Variants in DMD observed in about 807,000 individuals in gnomAD.
DMD encodes mutant dystrophin.
DMD carries 63 observed loss-of-function variants against 330.1 expected under a neutral mutation model. The observed-to-expected ratio is 0.19, with a 90% CI of 0.16 to 0.24. DMD has a LOEUF of 0.24. Among genes scored for constraint, DMD ranks in the 10% least tolerant of loss-of-function variants. The pLI, the probability that DMD is intolerant of heterozygous loss-of-function variation, is 1.00. For synonymous variants in DMD, 1,223 were observed against 959.8 expected, an observed-to-expected ratio of 1.27 and a Z score of -5.07; for missense variants, 3,344 against 2,684.1, an observed-to-expected ratio of 1.25 and a Z score of -5.43.
At chrX:31,598,404 G>A (rs920618109) in intron 55 of DMD, among the ~76,000 whole-genome samples, 14 of 111,570 alleles carry the variant, frequency 1.3e-4, no homozygotes, top group African/African-American at 4.6e-4. Context: ...GATTACAGTC[G>A]TGAGCCACCT....
chrX:32,775,055 C>A (rs73621827), intron 7 of DMD, among the ~76,000 whole-genome samples: 1 of 112,175 alleles, frequency 8.9e-6, no homozygotes, highest in East Asian at 2.8e-4. Context: ...ACAGGTCCCA[C>A]GCAAGTTTGA....
intron 54 of DMD, among the ~76,000 whole-genome samples, chrX:31,629,357 T>C (rs1262582585): frequency 2.7e-5 from 3 of 111,654 alleles, no homozygotes; most frequent in Non-Finnish European, 5.6e-5. Context: ...GTGAGGTTTT[T>C]GCTGAGCACA....
chrX:31,197,748 G>C (rs762777393), intron 67 of DMD, among the ~76,000 whole-genome samples: 16 of 111,409 alleles, frequency 1.4e-4, no homozygotes, highest in Non-Finnish European at 2.6e-4. Context: ...TACTGAAGAA[G>C]ATACTACAAA....
intron 63 of DMD, among the ~76,000 whole-genome samples, chrX:31,233,861 G>A (rs985931005): frequency 1.8e-5 from 2 of 111,793 alleles, no homozygotes; most frequent in Non-Finnish European, 3.8e-5. Flanking sequence ...TCACCAACTG[G>A]TTGAATTTAG....
intron 60 of DMD, among the ~76,000 whole-genome samples, chrX:31,353,844 G>A (rs1415459139): frequency 9.0e-6 from 1 of 111,702 alleles, no homozygotes; most frequent in Non-Finnish European, 1.9e-5. Flanking sequence ...AGAGATAAAG[G>A]AGTTTAAATA....
At chrX:31,451,267 CTTCCTTTCTTTCCTT>C (rs2065719105) in intron 59 of DMD, among the ~76,000 whole-genome samples, 1 of 76,974 alleles carries the variant, frequency 1.3e-5, no homozygotes, top group Non-Finnish European at 2.3e-5. Flanking sequence ...CCTTCCTTTC[CTTCCTTTCTTTCCTT>C]TTTTTTTTTT....
At chrX:32,645,277 AG>A in intron 9 of DMD, 125 bp from the exon 10 acceptor site, 1 of 709,352 alleles carries the variant, frequency 1.4e-6, no homozygotes, top group South Asian at 2.8e-5. Context: ...TATCAAACAC[AG>A]GAACAGCAGA....
intron 30 of DMD, among the ~76,000 whole-genome samples, chrX:32,405,520 A>G (rs1243830621): frequency 8.9e-6 from 1 of 111,736 alleles, no homozygotes; most frequent in African/African-American, 3.3e-5. Context: ...ATTCTGTTTC[A>G]ATAAATCTTT....
intron 7 of DMD, among the ~76,000 whole-genome samples, chrX:32,728,235 A>C (rs949402988): frequency 8.9e-6 from 1 of 111,816 alleles, no homozygotes; most frequent in Non-Finnish European, 1.9e-5. Flanking sequence ...ATTTCTTGTT[A>C]GGAAGCTTGC....
chrX:32,068,373 C>CTTTTTTTTTTT (rs1569539146), intron 44 of DMD, among the ~76,000 whole-genome samples: 1 of 60,508 alleles, frequency 1.7e-5, no homozygotes, highest in African/African-American at 7.6e-5. Context: ...CCTTGCTTGT[C>CTTTTTTTTTTT]ATTTTTTTTT....
intron 41 of DMD, among the ~76,000 whole-genome samples, chrX:32,340,466 C>T (rs2097736088): frequency 9.0e-6 from 1 of 111,562 alleles, no homozygotes; most frequent in African/African-American, 3.3e-5. Flanking sequence ...TGAGAGCCTA[C>T]TATGAATAGG....
intron 15 of DMD, among the ~76,000 whole-genome samples, chrX:32,566,736 C>T (rs1242359390): frequency 9.0e-6 from 1 of 111,700 alleles, no homozygotes; most frequent in African/African-American, 3.3e-5. Context: ...ATCAGTAAAT[C>T]AGGGCAGTTT....
intron 72 of DMD, among the ~76,000 whole-genome samples, chrX:31,173,179 A>G (rs1265586631): frequency 1.8e-5 from 2 of 111,684 alleles, no homozygotes; most frequent in Non-Finnish European, 3.8e-5. Flanking sequence ...ATGCTTTCAT[A>G]TTCTCCATAT....
At chrX:31,894,698 T>C in intron 47 of DMD, among the ~76,000 whole-genome samples, 1 of 112,164 alleles carries the variant, frequency 8.9e-6, no homozygotes, top group Non-Finnish European at 1.9e-5. Context: ...TCGCTGTCCA[T>C]TAGAGCATCT....
At chrX:31,838,351 GAAAAAAA>G (rs1163905502) in intron 48 of DMD, among the ~76,000 whole-genome samples, 15 of 111,614 alleles carry the variant, frequency 1.3e-4, no homozygotes, top group African/African-American at 4.5e-4. Context: ...TTAAGAAAAG[GAAAAAAA>G]GTAACTGAAT....
chrX:33,005,582 A>G (rs2093377780), intron 2 of DMD, among the ~76,000 whole-genome samples: 2 of 105,071 alleles, frequency 1.9e-5, no homozygotes, highest in South Asian at 4.3e-4. Flanking sequence ...AAGTTAGGAG[A>G]GAAATAATTG....
chrX:32,768,488 G>A (rs2073250199), intron 7 of DMD, among the ~76,000 whole-genome samples: 1 of 112,013 alleles, frequency 8.9e-6, no homozygotes, highest in Non-Finnish European at 1.9e-5. Context: ...AAAGCATTGT[G>A]TATATTATTT....
chrX:31,317,532 A>AG (rs2056110050), intron 62 of DMD, among the ~76,000 whole-genome samples: 2 of 66,033 alleles, frequency 3.0e-5, no homozygotes, highest in Non-Finnish European at 5.4e-5. Flanking sequence ...TTTTTTTTTG[A>AG]GGCAGAGTCT....
At chrX:32,957,224 C>T (rs1425380645) in intron 2 of DMD, among the ~76,000 whole-genome samples, 2 of 111,251 alleles carry the variant, frequency 1.8e-5, no homozygotes, top group Non-Finnish European at 3.8e-5. Context: ...TTAAAGTCAT[C>T]GTAAACTCTT....
Sources: allele counts gnomAD v4.1 joint callset (sites outside exome capture counted in the v4.1 genomes callset), GRCh38; gene constraint gnomAD v4.1.1; transcripts MANE v1.5; gene names NCBI Gene and HGNC (gene_info 2026-07-23, HGNC 2026-07-21).